The following RIMS2 variants were observed in gnomAD, a reference collection of about 807,000 sequenced individuals.
The protein encoded by RIMS2 is regulating synaptic membrane exocytosis protein 2.
Under a neutral mutation model 174.4 loss-of-function variants are expected in RIMS2, and 59 were observed. That is an observed-to-expected ratio of 0.34 (90% confidence interval 0.27 to 0.42). The LOEUF (loss-of-function observed/expected upper bound fraction) is 0.42. Ranked by LOEUF, RIMS2 falls within the 10% of genes least tolerant of loss-of-function variation. RIMS2 has a pLI of 1.00. For missense variants in RIMS2, 1,620 were observed against 1,666.3 expected (o/e 0.97, Z 0.48); for synonymous variants, 606 against 572.5 (o/e 1.06, Z -0.84).
intron 19 of RIMS2, among the ~76,000 whole-genome samples, chr8:104,069,710 C>T (rs1280282270): frequency 2.6e-5 from 4 of 151,860 alleles, no homozygotes; most frequent in East Asian, 1.9e-4. Flanking sequence ...CCTGGCGATC[C>T]GCCTGCCTCA....
chr8:104,138,284 G>A (rs2098538050), intron 19 of RIMS2, among the ~76,000 whole-genome samples: 1 of 151,986 alleles, frequency 6.6e-6, no homozygotes, highest in Non-Finnish European at 1.5e-5. Flanking sequence ...CAATTTGGGT[G>A]TATATCTCAC....
At chr8:104,165,446 C>G (rs574476469) in intron 19 of RIMS2, among the ~76,000 whole-genome samples, 2 of 150,488 alleles carry the variant, frequency 1.3e-5, no homozygotes, top group Admixed American at 1.3e-4. Flanking sequence ...AGAAACTTAG[C>G]GGGAAAAATT....
intron 1 of RIMS2, 95 bp from the exon 3 acceptor site, chr8:103,652,529 T>G (rs558525343): frequency 1.7e-6 from 1 of 592,222 alleles, no homozygotes; most frequent in Non-Finnish European, 2.8e-6. Flanking sequence ...GGCTGTAGCT[T>G]TTGTGCCTGT....
chr8:103,595,605 T>G (rs1433868987), intron 1 of RIMS2, among the ~76,000 whole-genome samples: 2 of 151,892 alleles, frequency 1.3e-5, no homozygotes, highest in African/African-American at 4.8e-5. Flanking sequence ...TAAGCAGTCA[T>G]TTGGATTTGT....
At chr8:104,087,378 C>CATGGATGG (rs904414617) in intron 19 of RIMS2, among the ~76,000 whole-genome samples, 1 of 151,862 alleles carries the variant, frequency 6.6e-6, no homozygotes, top group Non-Finnish European at 1.5e-5. Context: ...ATGATTGATA[C>CATGGATGG]ATGGATGGAT....
intron 1 of RIMS2, among the ~76,000 whole-genome samples, chr8:103,624,684 T>A (rs1022939519): frequency 2.6e-5 from 4 of 152,206 alleles, no homozygotes; most frequent in African/African-American, 9.6e-5. Context: ...ACACAAACAT[T>A]TTTATATGAT....
chr8:104,106,401 C>T (rs1438856080), intron 19 of RIMS2, among the ~76,000 whole-genome samples: 1 of 151,984 alleles, frequency 6.6e-6, no homozygotes, highest in Admixed American at 6.6e-5. Flanking sequence ...TCATTATAGA[C>T]AAAATAATAA....
At chr8:104,025,087 G>T (rs922893553) in intron 19 of RIMS2, among the ~76,000 whole-genome samples, 1 of 152,134 alleles carries the variant, frequency 6.6e-6, no homozygotes, top group Non-Finnish European at 1.5e-5. Flanking sequence ...TCTTGGAAGG[G>T]TTATAATGGC....
At chr8:103,594,444 G>A (rs1365286) in intron 1 of RIMS2, among the ~76,000 whole-genome samples, 53,595 of 151,382 alleles carry the variant, frequency 0.35, 10,213 homozygotes, top group East Asian at 0.77. Context: ...ATTAAATAAG[G>A]CATGTTTAAA....
intron 1 of RIMS2, among the ~76,000 whole-genome samples, chr8:103,646,476 A>G (rs1022519899): frequency 2.6e-5 from 4 of 152,054 alleles, no homozygotes; most frequent in African/African-American, 4.8e-5. Context: ...TGCTGCACAC[A>G]TCATCCCACA....
At chr8:104,047,895 C>T (rs981039702) in intron 19 of RIMS2, among the ~76,000 whole-genome samples, 7 of 152,132 alleles carry the variant, frequency 4.6e-5, no homozygotes, top group South Asian at 2.1e-4. Context: ...CAGACAGGTA[C>T]GAATTATTAT....
chr8:103,748,459 C>T (rs1180829146), intron 2 of RIMS2, among the ~76,000 whole-genome samples: 1 of 151,898 alleles, frequency 6.6e-6, no homozygotes, highest in Non-Finnish European at 1.5e-5. Context: ...TACATACATA[C>T]ATACATGCAT....
intron 19 of RIMS2, among the ~76,000 whole-genome samples, chr8:104,085,618 A>G (rs2097524314): frequency 1.3e-5 from 2 of 152,212 alleles, no homozygotes; most frequent in African/African-American, 2.4e-5. Flanking sequence ...TCTGGTTACC[A>G]AAAGGAAAGA....
intron 17 of RIMS2, among the ~76,000 whole-genome samples, chr8:103,996,945 G>A (rs1236603926): frequency 6.6e-6 from 1 of 151,780 alleles, no homozygotes; most frequent in Non-Finnish European, 1.5e-5. Context: ...ACCAAAAAAG[G>A]AGAGAGTATT....
At chr8:104,141,549 T>C (rs922485318) in intron 19 of RIMS2, among the ~76,000 whole-genome samples, 3 of 152,216 alleles carry the variant, frequency 2.0e-5, no homozygotes, top group Admixed American at 2.0e-4. Context: ...GTGCAATCTA[T>C]GTTCTCACAG....
intron 19 of RIMS2, among the ~76,000 whole-genome samples, chr8:104,225,421 G>A (rs1256681019): frequency 6.6e-6 from 1 of 151,996 alleles, no homozygotes; most frequent in East Asian, 1.9e-4. Flanking sequence ...TTAACCACTT[G>A]TGCCTGAAAA....
chr8:103,568,299 AAATAAAATAAG>A (rs1390502146), intron 1 of RIMS2, among the ~76,000 whole-genome samples: 1 of 152,194 alleles, frequency 6.6e-6, no homozygotes, highest in Non-Finnish European at 1.5e-5. Context: ...CCCTGTTTCA[AAATAAAATAAG>A]AATAAAATAA....
chr8:103,886,384 A>C (rs1031791423), intron 4 of RIMS2, among the ~76,000 whole-genome samples, 161 bp downstream of exon 7: 2 of 151,956 alleles, frequency 1.3e-5, no homozygotes, highest in Admixed American at 1.3e-4. Context: ...TGTTATAAAA[A>C]GTATCTTCTG....
At chr8:103,551,998 A>G (rs541912112) in intron 1 of RIMS2, among the ~76,000 whole-genome samples, 1 of 152,230 alleles carries the variant, frequency 6.6e-6, no homozygotes, top group African/African-American at 2.4e-5. Flanking sequence ...GATAGGAAGA[A>G]TCAATATCGT....
Sources: gnomAD v4.1 joint callset for allele counts (sites outside exome capture counted in the v4.1 genomes callset) on GRCh38, gnomAD v4.1.1 for gene constraint, MANE v1.5 for transcripts, NCBI Gene and HGNC (gene_info 2026-07-23, HGNC 2026-07-21) for gene names.